The following JAZF1 variants were observed in gnomAD, a reference collection of about 807,000 sequenced individuals.
The protein encoded by JAZF1 is juxtaposed with another zinc finger protein 1.
A neutral mutation model predicts 26.4 loss-of-function variants in JAZF1; 8 were observed. The ratio of observed to expected loss-of-function variants is 0.30; its 90% CI spans 0.18 to 0.55. The LOEUF is 0.55. JAZF1 is among the 20% of genes least tolerant of loss of function. The pLI, the probability that JAZF1 is intolerant of heterozygous loss-of-function variation, is 0.94. For synonymous variants in JAZF1, 126 were observed against 122.3 expected (o/e 1.03, Z -0.20); for missense variants, 199 against 322.0 (o/e 0.62, Z 2.92).
chr7:27,917,542 T>C (rs1351699002), intron 2 of JAZF1, among the ~76,000 whole-genome samples: 1 of 152,140 alleles, frequency 6.6e-6, no homozygotes, highest in African/African-American at 2.4e-5. Flanking sequence ...GTTTAGACAA[T>C]TTAAGATTTA....
intron 2 of JAZF1, among the ~76,000 whole-genome samples, chr7:27,961,708 T>C (rs1785187448): frequency 6.6e-6 from 1 of 152,216 alleles, no homozygotes; most frequent in Admixed American, 6.5e-5. Context: ...TGATGCTAGC[T>C]GGACTTGTCC....
chr7:28,118,329 A>G (rs1784780877), intron 1 of JAZF1: 1 of 152,056 alleles, frequency 6.6e-6, no homozygotes, highest in Non-Finnish European at 1.5e-5. Context: ...AGCCTGGCCA[A>G]TATGGTGAAG....
At position 28,016,365 on chromosome 7, in the gene JAZF1, A is replaced by G. The variant is rs539168354; in HGVS notation, c.116-24384T>C. On this transcript the variant is annotated intron_variant, in intron 1 of 4. Transcript: ENST00000283928. The stretch of plus-strand genomic sequence containing the variant: ...GAGGAAAGAGAGCTAAGAGGCCTGA[A>G]CAACCCATAAACTGAATTTTAATCC... Among the ~76,000 whole-genome samples the G allele has an allele frequency of 3.9e-5, 6 of 152,348 alleles. No individual in the cohort carries two copies. In the East Asian group the frequency reaches 1.2e-3, roughly 29 times the overall value.
intron 1 of JAZF1, among the ~76,000 whole-genome samples, chr7:28,138,896 G>A (rs540872544): frequency 1.3e-5 from 2 of 152,192 alleles, no homozygotes; most frequent in African/African-American, 4.8e-5. Context: ...AGAGCGGCTG[G>A]AGGCTCAAAT....
At chr7:27,969,602 C>T (rs1467547837) in intron 2 of JAZF1, among the ~76,000 whole-genome samples, 1 of 152,180 alleles carries the variant, frequency 6.6e-6, no homozygotes. Flanking sequence ...TAAATTACCA[C>T]CTGCTTAGGG....
At chr7:27,935,643 A>T (rs571101791) in intron 2 of JAZF1, among the ~76,000 whole-genome samples, 87 of 152,364 alleles carry the variant, frequency 5.7e-4, no homozygotes, top group Admixed American at 1.4e-3. Context: ...TGCTGTGAAT[A>T]TACTAAAACC....
At chr7:28,030,815 A>G (rs1432462601) in intron 1 of JAZF1, among the ~76,000 whole-genome samples, 2 of 152,154 alleles carry the variant, frequency 1.3e-5, no homozygotes, top group Admixed American at 6.5e-5. Flanking sequence ...TTTGATTTCT[A>G]TTTTGGTCTT....
rs762948151 is a variant in JAZF1 at position 28,082,817 on chromosome 7, G to A, written c.116-90836C>T. Among the ~76,000 whole-genome samples the A allele has an allele frequency of 4.6e-4, 70 of 152,028 alleles. 3 individuals carry two copies. The highest frequency in any genetic ancestry group is 7.4e-5 in the Non-Finnish European group (5 of 68,020). On this transcript the variant is annotated intron_variant, in intron 1 of 4. Coordinates refer to ENST00000283928, the MANE Select transcript of JAZF1 (RefSeq NM_175061.4). ...TGACTGCAAAGGGGGCCTTTGCCTC[G>A]GTGCCACCATTACTATTCCCTGCTC...
At chr7:28,039,274 A>AAC (rs148394103) in intron 1 of JAZF1, among the ~76,000 whole-genome samples, 5 of 151,870 alleles carry the variant, frequency 3.3e-5, no homozygotes, top group South Asian at 2.1e-4. Context: ...CGTGCATACA[A>AAC]ACACACACAC....
At chr7:28,021,660 C>T (rs1472345933) in intron 1 of JAZF1, among the ~76,000 whole-genome samples, 1 of 152,212 alleles carries the variant, frequency 6.6e-6, no homozygotes, top group African/African-American at 2.4e-5. Flanking sequence ...AGGCACTAGA[C>T]ACCAGGCAGG....
At chr7:27,896,544 A>G (rs1784066412) in intron 2 of JAZF1, among the ~76,000 whole-genome samples, 1 of 152,208 alleles carries the variant, frequency 6.6e-6, no homozygotes, top group African/African-American at 2.4e-5. Context: ...ATTTCAATAT[A>G]ATTTATCATA....
chr7:27,884,598 A>C (rs920541439), intron 3 of JAZF1, among the ~76,000 whole-genome samples: 1 of 152,232 alleles, frequency 6.6e-6, no homozygotes, highest in African/African-American at 2.4e-5. Context: ...GTTTGCCTGT[A>C]CTTGAACTTC....
chr7:28,015,978 G>A lies in JAZF1; in HGVS notation c.116-23997C>T, dbSNP rs1583510384. 2.0e-5 allele frequency among the ~76,000 whole-genome samples: 3 copies of A among 152,206 alleles called. No homozygotes were observed. The East Asian group carries it at 5.8e-4, about 29-fold the overall frequency. The stretch of plus-strand genomic sequence containing the variant: ...CTCATCATGCTTATAACCCCACAGG[G>A]CCCTCATCTCAGCTAGGCCTCCTCT... On this transcript the variant is annotated intron_variant, in intron 1 of 4. Coordinates refer to ENST00000283928, the MANE Select transcript of JAZF1 (RefSeq NM_175061.4).
intron 1 of JAZF1, among the ~76,000 whole-genome samples, chr7:28,006,140 G>A (rs972182762): frequency 1.3e-5 from 2 of 152,158 alleles, no homozygotes; most frequent in African/African-American, 4.8e-5. Context: ...GCTCATGCCT[G>A]TAATACCAGC....
At chr7:28,157,067 A>C (rs1783196495) in intron 1 of JAZF1, among the ~76,000 whole-genome samples, 1 of 152,264 alleles carries the variant, frequency 6.6e-6, no homozygotes, top group Admixed American at 6.5e-5. Flanking sequence ...GTGCATGCAC[A>C]CAGCCCCTGT....
chr7:28,107,945 G>A (rs1347990531), intron 1 of JAZF1, among the ~76,000 whole-genome samples: 1 of 152,154 alleles, frequency 6.6e-6, no homozygotes, highest in African/African-American at 2.4e-5. Context: ...CCACACCCAG[G>A]CACGCCTCAC....
At chr7:28,165,301 C>T (rs1001787520) in intron 1 of JAZF1, among the ~76,000 whole-genome samples, 5 of 151,906 alleles carry the variant, frequency 3.3e-5, no homozygotes, top group African/African-American at 1.2e-4. Flanking sequence ...CAATACAGAA[C>T]ACAAAAAGTA....
Position 28,081,291 on chromosome 7 carries a change from A to T in JAZF1, c.116-89310T>A, listed in dbSNP as rs1007352111. Among the ~76,000 whole-genome samples, 4 of 152,198 alleles carry T rather than the reference A, an allele frequency of 2.6e-5. No homozygotes were observed. The East Asian group carries it at 5.8e-4, about 22-fold the overall frequency. ...AACGATGAGGAAGCCACATGCAGATAAACAGTAAATGAAGACAGGATGACC... is the reference window on the plus strand; with the variant it reads ...AACGATGAGGAAGCCACATGCAGATTAACAGTAAATGAAGACAGGATGACC... On this transcript the variant is annotated intron_variant, in intron 1 of 4. Coordinates refer to ENST00000283928, the MANE Select transcript of JAZF1 (RefSeq NM_175061.4).
intron 1 of JAZF1, among the ~76,000 whole-genome samples, chr7:28,110,891 C>A (rs917704889): frequency 1.6e-4 from 25 of 152,166 alleles, no homozygotes; most frequent in African/African-American, 5.8e-4. Flanking sequence ...CTAATTCCAT[C>A]CAAAAGTTTT....
Sources: gnomAD v4.1 joint callset for allele counts (sites outside exome capture counted in the v4.1 genomes callset) on GRCh38, gnomAD v4.1.1 for gene constraint, MANE v1.5 for transcripts, NCBI Gene and HGNC (gene_info 2026-07-23, HGNC 2026-07-21) for gene names.